NBL1: variants seen among roughly 807,000 people sequenced by gnomAD.
The protein encoded by NBL1 is neuroblastoma suppressor of tumorigenicity 1.
Under a neutral mutation model 16.0 loss-of-function variants are expected in NBL1, and 9 were observed. The ratio of observed to expected loss-of-function variants is 0.56; its 90% CI spans 0.34 to 0.98. NBL1 has a LOEUF of 0.98. NBL1 is among the 50% of genes least tolerant of loss of function. NBL1 has a pLI of 0.02. For missense variants in NBL1, 196 were observed against 243.1 expected (o/e 0.81, Z 1.29); for synonymous variants, 86 against 100.7 (o/e 0.85, Z 0.87).
chr1:19,647,576 G>A (rs2094988790), intron 1 of NBL1: 1 of 984,894 alleles, frequency 1.0e-6, no homozygotes, highest in Non-Finnish European at 1.2e-6. Flanking sequence ...AGAGGCAGGG[G>A]AGGGGGAGCA....
Position 19,655,094 on chromosome 1 carries a change from A to G in NBL1, c.64A>G (p.Ile22Val). Residue 22 changes from isoleucine to valine, a missense_variant, in exon 2 of 4, where the codon ATC (isoleucine) becomes GTC (valine). Coordinates refer to ENST00000375136, the MANE Select transcript of NBL1 (RefSeq NM_005380.8). The part of the protein sequence containing the change: ...PAMLLAAPPP[I>V]NKLALFPDKS... ...CATGCTACTGGCTGCCCCACCACCC[A>G]TCAACAAGCTGGCACTGTTCCCAGA... 5.0e-6 allele frequency: 8 copies of G among 1,613,016 alleles called. No homozygotes were observed. Among genetic ancestry groups the G allele is most frequent in the Non-Finnish European group, 6.8e-6 (8 of 1,179,912 alleles).
In NBL1 at chr1:19,647,878, T is replaced by C. The variant is rs1389527434; in HGVS notation, c.-20+3432T>C. 1.1e-4 allele frequency among the ~76,000 whole-genome samples: 16 copies of C among 144,516 alleles called. No homozygotes were observed. The East Asian group carries it at 1.4e-3, about 12-fold the overall frequency. 94.8% of individuals were successfully genotyped at this position (144,516 alleles called of 152,430 possible). A position where few individuals can be genotyped will look rare whatever the true frequency, so the allele number is the denominator to read the frequency against. On this transcript the variant is annotated intron_variant, in intron 1 of 3. Coordinates refer to ENST00000375136, the MANE Select transcript of NBL1 (RefSeq NM_005380.8). ...GTGTGTGTGTGTGCGTGTGTGTGTGTGTGTGCGTGTGCGCGCGTGTGTGTG... is the reference window on the plus strand; with the variant it reads ...GTGTGTGTGTGTGCGTGTGTGTGTGCGTGTGCGTGTGCGCGCGTGTGTGTG...
At chr1:19,652,670 G>A (rs549917969) in intron 1 of NBL1, among the ~76,000 whole-genome samples, 2 of 152,202 alleles carry the variant, frequency 1.3e-5, no homozygotes, top group Admixed American at 6.5e-5. Flanking sequence ...CTCTAGACCC[G>A]TGCTCCCCAG....
Position 19,647,815 on chromosome 1 carries a change from C to T in NBL1, c.-20+3369C>T, listed in dbSNP as rs11589378. ...AGCCCTGCCCTCCACGGCTCTGCACCGAGTGGTTGCTGGAACCGGTAACAG... is the reference window on the plus strand; with the variant it reads ...AGCCCTGCCCTCCACGGCTCTGCACTGAGTGGTTGCTGGAACCGGTAACAG... On this transcript the variant is annotated intron_variant, in intron 1 of 3. Coordinates refer to ENST00000375136, the MANE Select transcript of NBL1 (RefSeq NM_005380.8). The T allele has an allele frequency of 5.9e-3, 1,926 of 325,428 alleles. 30 individuals are homozygous for T. The highest frequency in any genetic ancestry group is 0.039 in the African/African-American group (1,738 of 44,388). 20.2% of individuals were successfully genotyped at this position (325,428 alleles called of 1,614,324 possible).
intron 1 of NBL1, among the ~76,000 whole-genome samples, chr1:19,647,250 C>T (rs1251631543): frequency 1.3e-5 from 2 of 152,010 alleles, no homozygotes; most frequent in South Asian, 2.1e-4. Context: ...AAAGGGAGAC[C>T]TTGTCTCTTC....
intron 1 of NBL1, among the ~76,000 whole-genome samples, chr1:19,654,261 G>A (rs1031373072): frequency 1.3e-5 from 2 of 152,184 alleles, no homozygotes; most frequent in African/African-American, 4.8e-5. Context: ...AATTAGCCAG[G>A]TGTGGTGGCG....
At chr1:19,647,693 G>C in intron 1 of NBL1, 1 of 985,200 alleles carries the variant, frequency 1.0e-6, no homozygotes, top group Non-Finnish European at 1.2e-6. Flanking sequence ...GTCTCCATCA[G>C]CTGGGGCCAA....
chr1:19,656,732 G>A (rs2095058563), intron 3 of NBL1, 134 bp from the exon 4 acceptor site: 2 of 1,390,306 alleles, frequency 1.4e-6, no homozygotes, highest in African/African-American at 2.9e-5. Context: ...CTCCCCATGG[G>A]ACCCCAGAGC....
Position 19,651,900 on chromosome 1 carries a change from ATATTT to A in NBL1, c.-19-3090_-19-3086del, listed in dbSNP as rs201616380. 7.2e-3 allele frequency among the ~76,000 whole-genome samples: 1,094 copies of A among 152,168 alleles called. 15 individuals carry two copies. The highest frequency in any genetic ancestry group is 0.025 in the African/African-American group (1,034 of 41,496). On this transcript the variant is annotated intron_variant, in intron 1 of 3. Coordinates refer to ENST00000375136, the MANE Select transcript of NBL1 (RefSeq NM_005380.8). ...GTTATCACAGTGTGATAATAAAAAAATATTTTATTTTATTTTATTTTATTTTGAGA... is the reference window on the plus strand; with the variant it reads ...GTTATCACAGTGTGATAATAAAAAAATATTTTATTTTATTTTATTTTGAGA...
At chr1:19,643,277 G>A (rs1330635021), upstream of NBL1, 21 of 1,604,494 alleles carry the variant, frequency 1.3e-5, no homozygotes, top group East Asian at 2.2e-5. The surrounding 1 kb of genome is among the most constrained non-coding windows in gnomAD (Gnocchi z 4.7). Flanking sequence ...GAGTACACCA[G>A]GGAGTTCCCA....
upstream of NBL1, chr1:19,643,392 A>G (rs1370316542): frequency 5.6e-6 from 9 of 1,613,626 alleles, no homozygotes; most frequent in African/African-American, 8.0e-5. This position sits in a 1 kb window ranked among gnomAD's most constrained non-coding sequence, Gnocchi z 4.7. Context: ...AAACACATGG[A>G]CACAGGTAAC....
chr1:19,648,843 C>T (rs546770044), intron 1 of NBL1, among the ~76,000 whole-genome samples: 76 of 152,272 alleles, frequency 5.0e-4, no homozygotes, highest in African/African-American at 1.8e-3. Flanking sequence ...CACGGCGCCC[C>T]CATGAGGGAG....
At chr1:19,650,810 C>A (rs1394230000) in intron 1 of NBL1, among the ~76,000 whole-genome samples, 1 of 152,122 alleles carries the variant, frequency 6.6e-6, no homozygotes, top group Admixed American at 6.5e-5. Flanking sequence ...CATAAACCAA[C>A]AAAAAAAGAA....
At chr1:19,648,306 C>T (rs998697373) in intron 1 of NBL1, among the ~76,000 whole-genome samples, 2 of 152,118 alleles carry the variant, frequency 1.3e-5, no homozygotes, top group Non-Finnish European at 1.5e-5. Flanking sequence ...TCAGTGGCAG[C>T]GTTGTTAATC....
At chr1:19,644,161 C>T (rs1374831983), upstream of NBL1, 8 of 980,146 alleles carry the variant, frequency 8.2e-6, no homozygotes, top group Non-Finnish European at 9.7e-6. The surrounding 1 kb of genome is among the most constrained non-coding windows in gnomAD (Gnocchi z 4.6). Flanking sequence ...CGCGGCGCCC[C>T]CTCCTGCGCA....
In NBL1 at chr1:19,655,008, C is replaced by T; in HGVS notation, c.-19-4C>T. 1.9e-6 allele frequency: 3 copies of T among 1,588,188 alleles called. No homozygotes were observed. The highest frequency in any genetic ancestry group is 2.6e-6 in the Non-Finnish European group (3 of 1,168,440). Reference sequence around the variant, plus strand: ...CCTCACCTGGCACCTGTGCTCCGTTCTAGGGCTCTGGAGGCCACGGGCATG... The same window carrying T: ...CCTCACCTGGCACCTGTGCTCCGTTTTAGGGCTCTGGAGGCCACGGGCATG... On this transcript the variant is annotated splice_polypyrimidine_tract_variant and splice_region_variant and intron_variant, in intron 1 of 3. Coordinates refer to ENST00000375136, the MANE Select transcript of NBL1 (RefSeq NM_005380.8).
chr1:19,653,532 CA>C (rs1313962938), intron 1 of NBL1, among the ~76,000 whole-genome samples: 1 of 152,232 alleles, frequency 6.6e-6, no homozygotes, highest in East Asian at 1.9e-4. Flanking sequence ...GATCAAAACG[CA>C]GACTCCTACC....
intron 3 of NBL1, among the ~76,000 whole-genome samples, chr1:19,656,392 G>A (rs1387280297): frequency 3.0e-5 from 4 of 134,374 alleles, no homozygotes; most frequent in African/African-American, 5.4e-5. Context: ...TGTGGTAGTC[G>A]GCGGGGATAG....
At chr1:19,656,742 C>A in intron 3 of NBL1, 124 bp from the exon 4 acceptor site, 2 of 1,415,166 alleles carry the variant, frequency 1.4e-6, no homozygotes, top group Non-Finnish European at 1.9e-6. Flanking sequence ...GACCCCAGAG[C>A]TAACTGGGCA....
Sources: gnomAD v4.1 joint callset for allele counts (sites outside exome capture counted in the v4.1 genomes callset) on GRCh38, gnomAD v4.1.1 for gene constraint, Gnocchi (gnomAD v3.1) non-coding constraint, MANE v1.5 for transcripts, NCBI Gene and HGNC (gene_info 2026-07-23, HGNC 2026-07-21) for gene names.